CSMD3: variants seen among roughly 807,000 people sequenced by gnomAD.
The protein encoded by CSMD3 is CUB and Sushi multiple domains 3.
In CSMD3, 177 loss-of-function variants were observed where a neutral mutation model predicts 435.2. That is an observed-to-expected ratio of 0.41 (90% confidence interval 0.36 to 0.46). The LOEUF is 0.46. Among genes scored for constraint, CSMD3 ranks in the 20% least tolerant of loss-of-function variants. The probability of loss-of-function intolerance (pLI) is 0.34; values close to 1 mark genes in which losing one functional copy is unlikely to be tolerated. For synonymous variants in CSMD3, 1,656 were observed against 1,520.5 expected, an observed-to-expected ratio of 1.09 and a Z score of -2.07; for missense variants, 4,265 against 4,504.6, an observed-to-expected ratio of 0.95 and a Z score of 1.52.
intron 3 of CSMD3, among the ~76,000 whole-genome samples, chr8:113,242,089 A>C (rs959152865): frequency 1.3e-5 from 2 of 151,700 alleles, no homozygotes; most frequent in Non-Finnish European, 2.9e-5. Context: ...ATGTCTTATA[A>C]AATTAAAATG....
At chr8:113,397,447 C>A (rs151068581) in intron 1 of CSMD3, among the ~76,000 whole-genome samples, 1 of 151,962 alleles carries the variant, frequency 6.6e-6, no homozygotes, top group Non-Finnish European at 1.5e-5. Context: ...AAAGGTTTTC[C>A]TTCAATATGG....
intron 5 of CSMD3, among the ~76,000 whole-genome samples, chr8:113,080,731 A>C (rs1244874165): frequency 2.6e-5 from 4 of 152,212 alleles, no homozygotes; most frequent in Non-Finnish European, 5.9e-5. Context: ...TGTAGTTTCT[A>C]ACCAGAGAAA....
At chr8:113,011,529 T>C (rs2086255956) in intron 6 of CSMD3, among the ~76,000 whole-genome samples, 3 of 151,916 alleles carry the variant, frequency 2.0e-5, no homozygotes, top group Non-Finnish European at 4.4e-5. Flanking sequence ...ATAAAAAGAT[T>C]GCCAAATCTA....
rs2131547756 is a variant in CSMD3, at chr8:113,098,942, G to C, written c.731C>G (p.Thr244Arg). Reference sequence around the variant, plus strand: ...TATGATGCCACTGGATCCTCTCATTGTTCCTCCACAAGCATCTTCAGCTGT... The same window carrying C: ...TATGATGCCACTGGATCCTCTCATTCTTCCTCCACAAGCATCTTCAGCTGT... Reference protein sequence around the residue: ...ICRAEDACGGTMRGSSGIISS... With the variant: ...ICRAEDACGGRMRGSSGIISS... Residue 244 changes from threonine to arginine, a missense_variant, in exon 5 of 71, where the codon ACA (threonine) becomes AGA (arginine). Physicochemically the swap from Thr to Arg is moderately conservative, Grantham distance 71. This residue lies in a region of CSMD3 where 731 missense variants were observed against 755.4 expected (regional missense o/e 0.97). Coordinates refer to ENST00000297405, the MANE Select transcript of CSMD3 (RefSeq NM_198123.2). 6.2e-7 allele frequency: 1 copy of C among 1,610,076 alleles called. No homozygotes were observed. Among genetic ancestry groups the C allele is most frequent in the South Asian group, 1.1e-5 (1 of 90,986 alleles).
At chr8:112,596,463 AG>A (rs1338091792) in intron 22 of CSMD3, among the ~76,000 whole-genome samples, 4 of 152,146 alleles carry the variant, frequency 2.6e-5, no homozygotes, top group Admixed American at 2.0e-4. Context: ...TCAACGAGAC[AG>A]AAAGTTAACT....
At chr8:112,731,627 C>T (rs2077076662) in intron 13 of CSMD3, among the ~76,000 whole-genome samples, 1 of 152,072 alleles carries the variant, frequency 6.6e-6, no homozygotes, top group Non-Finnish European at 1.5e-5. Flanking sequence ...GTTTATAGTA[C>T]TGTAGGGTAA....
At chr8:113,122,897 T>C (rs912082140) in intron 4 of CSMD3, among the ~76,000 whole-genome samples, 2 of 152,050 alleles carry the variant, frequency 1.3e-5, no homozygotes, top group African/African-American at 4.8e-5. Flanking sequence ...ACTTTCTTAA[T>C]TATTTTGAAA....
Position 112,654,540 on chromosome 8 carries a change from C to T in CSMD3, c.3004+1614G>A, listed in dbSNP as rs2075209481. 2.0e-5 allele frequency among the ~76,000 whole-genome samples: 3 copies of T among 152,154 alleles called. No individual in the cohort carries two copies. The South Asian group carries it at 6.2e-4, about 32-fold the overall frequency. ...CTTTGCCTTTTAAGGCACTAGCCCT[C>T]GAAAATAACTTGGACTATGCCACTA... On this transcript the variant is annotated intron_variant, in intron 18 of 70. Coordinates refer to ENST00000297405, the MANE Select transcript of CSMD3 (RefSeq NM_198123.2).
At chr8:113,133,853 T>A (rs926280032) in intron 4 of CSMD3, among the ~76,000 whole-genome samples, 3 of 152,050 alleles carry the variant, frequency 2.0e-5, no homozygotes, top group Non-Finnish European at 4.4e-5. Flanking sequence ...ATAGTCAAAT[T>A]AACAGAAACA....
chr8:113,149,197 C>T (rs1391930384), intron 4 of CSMD3, among the ~76,000 whole-genome samples: 2 of 151,704 alleles, frequency 1.3e-5, no homozygotes, highest in East Asian at 1.9e-4. Flanking sequence ...TATTTTTATT[C>T]ATATTATACA....
chr8:112,782,717 A>C (rs947435669), intron 13 of CSMD3, among the ~76,000 whole-genome samples: 6 of 152,072 alleles, frequency 3.9e-5, no homozygotes, highest in Non-Finnish European at 7.4e-5. Context: ...AACAAATAGC[A>C]TACAATGGAA....
At chr8:113,295,658 C>G (rs1023177300) in intron 2 of CSMD3, among the ~76,000 whole-genome samples, 1 of 152,148 alleles carries the variant, frequency 6.6e-6, no homozygotes, top group Non-Finnish European at 1.5e-5. Context: ...TTGCAAGGCC[C>G]AGGTGGGCGA....
At chr8:113,429,107 T>G (rs2094654302) in intron 1 of CSMD3, among the ~76,000 whole-genome samples, 1 of 151,780 alleles carries the variant, frequency 6.6e-6, no homozygotes, top group Non-Finnish European at 1.5e-5. Flanking sequence ...CTTTGCAAAT[T>G]TTACTCCCAT....
At chr8:112,634,568 G>A (rs1283055802) in intron 22 of CSMD3, among the ~76,000 whole-genome samples, 1 of 151,728 alleles carries the variant, frequency 6.6e-6, no homozygotes, top group African/African-American at 2.4e-5. Context: ...TTGTCCACAG[G>A]GTAATTTTCT....
intron 1 of CSMD3, among the ~76,000 whole-genome samples, chr8:113,433,811 G>C (rs913134623): frequency 6.6e-6 from 1 of 152,116 alleles, no homozygotes; most frequent in African/African-American, 2.4e-5. Context: ...ATCTGGGTGA[G>C]ACCTAAACAG....
At chr8:113,275,993 G>A (rs1251280804) in intron 3 of CSMD3, among the ~76,000 whole-genome samples, 1 of 151,998 alleles carries the variant, frequency 6.6e-6, no homozygotes, top group Non-Finnish European at 1.5e-5. Flanking sequence ...GGGAGTGGGA[G>A]ACAGATTTTG....
Position 113,377,635 on chromosome 8 carries a change from A to G in CSMD3, c.178+59042T>C, listed in dbSNP as rs117044558. On this transcript the variant is annotated intron_variant, in intron 1 of 70. Coordinates refer to ENST00000297405, the MANE Select transcript of CSMD3 (RefSeq NM_198123.2). ...GTATTTATAAAACTTGCAAATATTT[A>G]TTTTTACAAACAATAGAAACTCTAA... Among the ~76,000 whole-genome samples, 993 of 152,236 alleles carry G rather than the reference A, an allele frequency of 6.5e-3. 6 individuals are homozygous for G. Among genetic ancestry groups the G allele is most frequent in the Middle Eastern group, 0.017 (5 of 294 alleles).
In CSMD3 at chr8:113,044,839, A is replaced by C. The variant is rs974544907; in HGVS notation, c.918-25660T>G. Among the ~76,000 whole-genome samples the C allele has an allele frequency of 2.0e-5, 3 of 149,098 alleles. No homozygotes were observed. In the East Asian group the frequency reaches 5.8e-4, roughly 29 times the overall value. On this transcript the variant is annotated intron_variant, in intron 5 of 70. Coordinates refer to ENST00000297405, the MANE Select transcript of CSMD3 (RefSeq NM_198123.2). ...TTATGCTGTTATTTCTTTTGTCTGA[A>C]AAGATAAAGTATAGAAAATCTTGTC...
intron 1 of CSMD3, among the ~76,000 whole-genome samples, chr8:113,364,124 T>C (rs1445950608): frequency 6.6e-6 from 1 of 152,200 alleles, no homozygotes; most frequent in African/African-American, 2.4e-5. Context: ...AGAATTCTTA[T>C]GTGTTTTTAT....
Sources: allele counts gnomAD v4.1 joint callset (sites outside exome capture counted in the v4.1 genomes callset), GRCh38; gene constraint gnomAD v4.1.1; regional missense constraint gnomAD v4.1.1; transcripts MANE v1.5; gene names NCBI Gene and HGNC (gene_info 2026-07-23, HGNC 2026-07-21).